Variants in CTNNA3 observed in about 807,000 individuals in gnomAD.
The protein encoded by CTNNA3 is catenin alpha 3.
Under a neutral mutation model 95.7 loss-of-function variants are expected in CTNNA3, and 76 were observed. That is an observed-to-expected ratio of 0.79 (90% CI 0.66 to 0.96). The LOEUF (loss-of-function observed/expected upper bound fraction) is 0.96, where lower values mean the gene tolerates loss of function less well. Among genes scored for constraint, CTNNA3 ranks in the 40% least tolerant of loss-of-function variants. The pLI is 0.00. For synonymous variants in CTNNA3, 431 were observed against 374.4 expected (o/e 1.15, Z -1.74); for missense variants, 1,191 against 1,089.8 (o/e 1.09, Z -1.31).
At chr10:66,063,008 G>T (rs1040795768) in intron 15 of CTNNA3, among the ~76,000 whole-genome samples, 10 of 151,882 alleles carry the variant, frequency 6.6e-5, no homozygotes, top group Non-Finnish European at 1.2e-4. Flanking sequence ...CATGTACAGA[G>T]CAGGAAAAAA....
chr10:66,686,221 T>C (rs1395662086), intron 9 of CTNNA3, among the ~76,000 whole-genome samples: 8 of 152,204 alleles, frequency 5.3e-5, no homozygotes, highest in Non-Finnish European at 8.8e-5. Context: ...TATTTAATTC[T>C]TGAGGTATAT....
chr10:66,861,689 GTTGT>G (rs1843934611), intron 7 of CTNNA3, among the ~76,000 whole-genome samples: 1 of 152,138 alleles, frequency 6.6e-6, no homozygotes, highest in African/African-American at 2.4e-5. Flanking sequence ...CATCATATTT[GTTGT>G]TTGTTTTTGA....
chr10:66,520,561 T>C (rs773614602), intron 11 of CTNNA3, 56 bp downstream of exon 11: 4 of 1,510,706 alleles, frequency 2.6e-6, no homozygotes, highest in Non-Finnish European at 3.6e-6. Context: ...CCAGTATTAT[T>C]CTATTTTATA....
chr10:66,917,139 A>T (rs2012171), intron 7 of CTNNA3, among the ~76,000 whole-genome samples: 60,636 of 152,078 alleles, frequency 0.4, 12,813 homozygotes, highest in Admixed American at 0.47. Context: ...TGTCTTATTC[A>T]CTACTGTATC....
intron 5 of CTNNA3, among the ~76,000 whole-genome samples, chr10:67,229,114 T>C (rs914624610): frequency 5.9e-5 from 9 of 152,104 alleles, no homozygotes; most frequent in African/African-American, 2.2e-4. Flanking sequence ...AAAAAGATAA[T>C]CCACCATGCT....
At chr10:66,995,103 A>G (rs796919074) in intron 7 of CTNNA3, among the ~76,000 whole-genome samples, 7 of 152,264 alleles carry the variant, frequency 4.6e-5, no homozygotes, top group African/African-American at 1.4e-4. Context: ...CATGTTTCCA[A>G]TTCCTCTGAG....
At chr10:66,523,173 G>A (rs369684404) in intron 10 of CTNNA3, among the ~76,000 whole-genome samples, 5 of 152,188 alleles carry the variant, frequency 3.3e-5, no homozygotes, top group African/African-American at 1.2e-4. Flanking sequence ...CAGTGGCTCT[G>A]GTCCCTGGTG....
chr10:67,177,102 G>A (rs1445176615), intron 7 of CTNNA3: 1 of 396,208 alleles, frequency 2.5e-6, no homozygotes, highest in African/African-American at 2.1e-5. Context: ...AATTTAACAG[G>A]ACAGTATATA....
At chr10:66,171,467 A>G (rs1272435203) in intron 13 of CTNNA3, among the ~76,000 whole-genome samples, 1 of 151,492 alleles carries the variant, frequency 6.6e-6, no homozygotes, top group Non-Finnish European at 1.5e-5. Flanking sequence ...AATTGCTTGA[A>G]TCTGGGAGGC....
chr10:66,980,756 A>G (rs545898906), intron 7 of CTNNA3, among the ~76,000 whole-genome samples: 4 of 152,204 alleles, frequency 2.6e-5, no homozygotes, highest in Non-Finnish European at 5.9e-5. Context: ...ACAAGGGTCC[A>G]TTGTCAGAGG....
intron 13 of CTNNA3, among the ~76,000 whole-genome samples, chr10:66,246,659 TA>T (rs1181784963): frequency 6.1e-5 from 9 of 147,842 alleles, no homozygotes; most frequent in Non-Finnish European, 7.5e-5. Context: ...AGACTGAAAT[TA>T]AAAAAAAAAG....
chr10:67,507,558 G>GAAAAAAAAAAAAA (rs545584235), intron 5 of CTNNA3, among the ~76,000 whole-genome samples: 1 of 133,332 alleles, frequency 7.5e-6, no homozygotes. Flanking sequence ...AAGAAACAAA[G>GAAAAAAAAAAAAA]AAAAAAAAAA....
At chr10:67,688,603 C>T (rs1371060783) in intron 1 of CTNNA3, among the ~76,000 whole-genome samples, 1 of 152,246 alleles carries the variant, frequency 6.6e-6, no homozygotes, top group East Asian at 1.9e-4. Context: ...GGGGCCAGGC[C>T]ATAGTGCAGA....
At chr10:66,559,500 C>A (rs530111455) in intron 10 of CTNNA3, among the ~76,000 whole-genome samples, 1 of 152,004 alleles carries the variant, frequency 6.6e-6, no homozygotes, top group African/African-American at 2.4e-5. Flanking sequence ...GAGCAGAGGT[C>A]AGGGATGCTG....
chr10:66,359,974 A>G (rs2092640913), intron 12 of CTNNA3, among the ~76,000 whole-genome samples: 1 of 151,658 alleles, frequency 6.6e-6, no homozygotes, highest in Non-Finnish European at 1.5e-5. Context: ...TTACAGGTGC[A>G]TGCCACCACA....
At chr10:66,238,408 T>C (rs2089960265) in intron 13 of CTNNA3, among the ~76,000 whole-genome samples, 1 of 152,008 alleles carries the variant, frequency 6.6e-6, no homozygotes. Flanking sequence ...AGAATTTCAG[T>C]ATAATAGTTA....
chr10:66,443,340 A>G (rs955317507), intron 11 of CTNNA3, among the ~76,000 whole-genome samples: 9 of 152,198 alleles, frequency 5.9e-5, no homozygotes, highest in Non-Finnish European at 1.3e-4. Flanking sequence ...TGGAGATCTG[A>G]GAACAGGCAG....
chr10:67,513,259 C>T (rs1839698888), intron 5 of CTNNA3, among the ~76,000 whole-genome samples: 2 of 152,126 alleles, frequency 1.3e-5, no homozygotes, highest in South Asian at 4.1e-4. Flanking sequence ...ACTTCAGATT[C>T]CTAGGGCTCA....
intron 12 of CTNNA3, among the ~76,000 whole-genome samples, chr10:66,282,197 A>C (rs757706897): frequency 1.3e-5 from 2 of 151,770 alleles, no homozygotes; most frequent in Non-Finnish European, 2.9e-5. Flanking sequence ...ACGGAATAAT[A>C]AAGCAAGAGG....
Sources: gnomAD v4.1 joint callset for allele counts (sites outside exome capture counted in the v4.1 genomes callset) on GRCh38, gnomAD v4.1.1 for gene constraint, MANE v1.5 for transcripts, NCBI Gene and HGNC (gene_info 2026-07-23, HGNC 2026-07-21) for gene names.